HCRTR2: variants seen among roughly 807,000 people sequenced by gnomAD.
The protein encoded by HCRTR2 is hypocretin receptor 2, also known as orexin receptor type 2.
In HCRTR2, 22 loss-of-function variants were observed where a neutral mutation model predicts 49.0. That is an observed-to-expected ratio of 0.45 (90% CI 0.32 to 0.64). The LOEUF is 0.64. Among genes scored for constraint, HCRTR2 ranks in the 30% least tolerant of loss-of-function variants. HCRTR2 has a pLI of 0.04. For missense variants in HCRTR2, 491 were observed against 559.4 expected (o/e 0.88, Z 1.23); for synonymous variants, 236 against 205.3 (o/e 1.15, Z -1.28).
chr6:55,212,528 C>T lies in HCRTR2; in HGVS notation c.224-36111C>T, dbSNP rs141396983. Among the ~76,000 whole-genome samples the T allele has an allele frequency of 1.0e-3, 153 of 152,236 alleles. 1 individual carries two copies. In the East Asian group the frequency reaches 0.011, roughly 11 times the overall value. ...AAAGATTTTGCTTTCTGCTGTAAAT[C>T]AAAAGCAGAAACAGGAGAAGATTCT... On this transcript the variant is annotated intron_variant, in intron 1 of 6. Transcript: ENST00000370862.
chr6:55,276,892 G>T (rs1197343925), intron 4 of HCRTR2, among the ~76,000 whole-genome samples: 1 of 152,140 alleles, frequency 6.6e-6, no homozygotes, highest in Non-Finnish European at 1.5e-5. Context: ...TCGAGAAGCA[G>T]AAAACCTGAA....
At chr6:55,239,930 A>T (rs933750096) in intron 1 of HCRTR2, among the ~76,000 whole-genome samples, 1 of 149,702 alleles carries the variant, frequency 6.7e-6, no homozygotes. Flanking sequence ...GGCGCATACC[A>T]CCATGCCCAG....
intron 1 of HCRTR2, among the ~76,000 whole-genome samples, chr6:55,175,192 G>C (rs1232287901): frequency 6.6e-6 from 1 of 152,054 alleles, no homozygotes; most frequent in African/African-American, 2.4e-5. Flanking sequence ...GGTGTTTCAG[G>C]GGGGTTGGGA....
intron 1 of HCRTR2, among the ~76,000 whole-genome samples, chr6:55,121,918 T>TG (rs1222897309): frequency 2.0e-5 from 3 of 151,152 alleles, no homozygotes; most frequent in African/African-American, 7.4e-5. Flanking sequence ...TGTTCTAAAA[T>TG]TCTCTTTTTT....
At chr6:55,171,104 G>A (rs1764943690), upstream of HCRTR2, among the ~76,000 whole-genome samples, 2 of 151,964 alleles carry the variant, frequency 1.3e-5, no homozygotes, top group South Asian at 2.1e-4. Flanking sequence ...CCCAGTAATG[G>A]GATGGCTGGG....
At chr6:55,249,204 A>G (rs539733199) in intron 2 of HCRTR2, among the ~76,000 whole-genome samples, 1 of 152,282 alleles carries the variant, frequency 6.6e-6, no homozygotes, top group South Asian at 2.1e-4. Context: ...GATTTAACCA[A>G]TTAATGATCT....
intron 1 of HCRTR2, among the ~76,000 whole-genome samples, chr6:55,158,848 A>G (rs1764765759): frequency 1.3e-5 from 2 of 152,206 alleles, no homozygotes; most frequent in Admixed American, 1.3e-4. Context: ...GGGACAGGGC[A>G]CCTGGGGAAA....
At chr6:55,262,497 T>C (rs1303933841) in intron 3 of HCRTR2, among the ~76,000 whole-genome samples, 1 of 131,396 alleles carries the variant, frequency 7.6e-6, no homozygotes, top group Non-Finnish European at 1.6e-5. Flanking sequence ...CTTATTATTA[T>C]ATATTATAAT....
chr6:55,214,168 T>C (rs1464968199), intron 1 of HCRTR2, among the ~76,000 whole-genome samples: 1 of 151,930 alleles, frequency 6.6e-6, no homozygotes, highest in Non-Finnish European at 1.5e-5. Flanking sequence ...AAAAAAGAAA[T>C]GAGCAATTCA....
chr6:55,125,479 T>G (rs1764260969), intron 1 of HCRTR2, among the ~76,000 whole-genome samples: 1 of 152,206 alleles, frequency 6.6e-6, no homozygotes, highest in Non-Finnish European at 1.5e-5. Context: ...TGCAGGGAGA[T>G]CCACTGTTAG....
At chr6:55,163,258 C>G (rs7751605) in intron 1 of HCRTR2, among the ~76,000 whole-genome samples, 4 of 141,174 alleles carry the variant, frequency 2.8e-5, no homozygotes, top group Admixed American at 1.5e-4. Context: ...AAACAAACAA[C>G]AAAAAAAAAA....
At chr6:55,224,988 G>A (rs988936702) in intron 1 of HCRTR2, among the ~76,000 whole-genome samples, 2 of 152,156 alleles carry the variant, frequency 1.3e-5, no homozygotes, top group South Asian at 2.1e-4. Flanking sequence ...AAATTGCTAA[G>A]AGAGTAGATT....
intron 4 of HCRTR2, among the ~76,000 whole-genome samples, chr6:55,264,208 G>A (rs1365556259): frequency 6.6e-6 from 1 of 152,032 alleles, no homozygotes; most frequent in Admixed American, 6.6e-5. Flanking sequence ...GAGACTCTAA[G>A]TCTGAAAGGT....
intron 1 of HCRTR2, among the ~76,000 whole-genome samples, chr6:55,182,725 G>T (rs1765153276): frequency 6.6e-6 from 1 of 152,186 alleles, no homozygotes; most frequent in Admixed American, 6.5e-5. Flanking sequence ...TTCGGGATAA[G>T]TTGTTGCACA....
At chr6:55,180,640 C>T (rs2127272645) in intron 1 of HCRTR2, among the ~76,000 whole-genome samples, 1 of 152,248 alleles carries the variant, frequency 6.6e-6, no homozygotes, top group Non-Finnish European at 1.5e-5. Context: ...ATTGAAAGTG[C>T]TATTTTTAGA....
intron 4 of HCRTR2, 45 bp from the exon 5 acceptor site, chr6:55,277,335 T>C: frequency 6.6e-7 from 1 of 1,516,038 alleles, no homozygotes. Flanking sequence ...AAGTGGAACT[T>C]TCCTAAGTCA....
At chr6:55,162,987 G>A (rs551931902) in intron 1 of HCRTR2, among the ~76,000 whole-genome samples, 9 of 152,208 alleles carry the variant, frequency 5.9e-5, no homozygotes, top group Admixed American at 3.3e-4. Context: ...AGTGGCTCAC[G>A]CTTGTAATCC....
chr6:55,224,021 AT>A (rs1765949273), intron 1 of HCRTR2, among the ~76,000 whole-genome samples: 1 of 152,148 alleles, frequency 6.6e-6, no homozygotes, highest in East Asian at 1.9e-4. Flanking sequence ...AGTTGCTGAC[AT>A]TTTTTCAATG....
chr6:55,205,661 G>T (rs2127287817), intron 1 of HCRTR2, among the ~76,000 whole-genome samples: 1 of 152,134 alleles, frequency 6.6e-6, no homozygotes, highest in African/African-American at 2.4e-5. Flanking sequence ...AAAAAAAGAA[G>T]GAGAAATGGC....
Sources: gnomAD v4.1 joint callset for allele counts (sites outside exome capture counted in the v4.1 genomes callset) on GRCh38, gnomAD v4.1.1 for gene constraint, MANE v1.5 for transcripts, NCBI Gene and HGNC (gene_info 2026-07-23, HGNC 2026-07-21) for gene names.